ANGPT1: variants seen among roughly 807,000 people sequenced by gnomAD.
The protein encoded by ANGPT1 is angiopoietin 1.
ANGPT1 carries 17 observed loss-of-function variants against 62.2 expected under a neutral mutation model. The observed-to-expected ratio is 0.27, with a 90% CI of 0.19 to 0.41. ANGPT1 has a LOEUF of 0.41. ANGPT1 is among the 10% of genes least tolerant of loss of function. The pLI is 1.00. For synonymous variants in ANGPT1, 199 were observed against 198.9 expected, an observed-to-expected ratio of 1.00 and a Z score of 0.00; for missense variants, 478 against 594.9, an observed-to-expected ratio of 0.80 and a Z score of 2.04.
chr8:107,434,886 T>C (rs1811293369), intron 1 of ANGPT1, among the ~76,000 whole-genome samples: 1 of 152,220 alleles, frequency 6.6e-6, no homozygotes. Flanking sequence ...TTAGAAATAG[T>C]TAATGACTAT....
At chr8:107,302,180 T>C (rs1259778011) in intron 5 of ANGPT1, among the ~76,000 whole-genome samples, 1 of 151,840 alleles carries the variant, frequency 6.6e-6, no homozygotes, top group Non-Finnish European at 1.5e-5. Context: ...AGAACTCTGG[T>C]AGTGAGAAAG....
At chr8:107,377,480 C>A (rs1816552381) in intron 1 of ANGPT1, among the ~76,000 whole-genome samples, 2 of 152,188 alleles carry the variant, frequency 1.3e-5, no homozygotes, top group Non-Finnish European at 1.5e-5. Context: ...CATCACCAAA[C>A]CTTACCTAGG....
chr8:107,472,895 T>C (rs1375880570), intron 1 of ANGPT1, among the ~76,000 whole-genome samples: 1 of 152,054 alleles, frequency 6.6e-6, no homozygotes, highest in Non-Finnish European at 1.5e-5. Context: ...AAGAAAAGTG[T>C]TGGCTAATTG....
intron 4 of ANGPT1, among the ~76,000 whole-genome samples, chr8:107,308,672 C>T (rs758309638): frequency 6.6e-6 from 1 of 152,174 alleles, no homozygotes; most frequent in Non-Finnish European, 1.5e-5. Flanking sequence ...AGTTCAAAGA[C>T]TTTGCCCACA....
Position 107,497,768 on chromosome 8 carries a change from T to C in ANGPT1, c.-210A>G. 1.7e-6 allele frequency: 1 copy of C among 596,104 alleles called. No individual in the cohort carries two copies. Among genetic ancestry groups the C allele is most frequent in the Non-Finnish European group, 2.9e-6 (1 of 342,968 alleles). 36.9% of individuals were successfully genotyped at this position (596,104 alleles called of 1,614,324 possible). On this transcript the variant is annotated 5_prime_UTR_variant, in exon 1 of 9. Coordinates refer to ENST00000517746, the MANE Select transcript of ANGPT1 (RefSeq NM_001146.5). ...ATTTTTTATTTCACTGCAATGATGTTTTTCTTCGTTAAAACTTGAGATATT... is the reference window on the plus strand; with the variant it reads ...ATTTTTTATTTCACTGCAATGATGTCTTTCTTCGTTAAAACTTGAGATATT...
chr8:107,459,454 A>C (rs1448705422), intron 1 of ANGPT1, among the ~76,000 whole-genome samples: 1 of 150,506 alleles, frequency 6.6e-6, no homozygotes. Flanking sequence ...GTGCCACTGC[A>C]CTCCAGCCTG....
chr8:107,268,780 A>T (rs1563542403), intron 7 of ANGPT1, among the ~76,000 whole-genome samples: 1 of 152,074 alleles, frequency 6.6e-6, no homozygotes, highest in African/African-American at 2.4e-5. Context: ...ATTAAAACAT[A>T]AAGCAGAAGT....
Position 107,271,666 on chromosome 8 carries a change from T to A in ANGPT1, c.1206-7315A>T, listed in dbSNP as rs148314957. Reference sequence around the variant, plus strand: ...TATAGAGGAAGCAGAGTACTAAACATGAAGGACAAGAAACCAAAGAGTTGC... The same window carrying A: ...TATAGAGGAAGCAGAGTACTAAACAAGAAGGACAAGAAACCAAAGAGTTGC... On this transcript the variant is annotated intron_variant, in intron 7 of 8. Transcript: ENST00000517746. Among the ~76,000 whole-genome samples, 1,187 of 152,070 alleles carry A rather than the reference T, an allele frequency of 7.8e-3. 28 individuals are homozygous for A. Among genetic ancestry groups the A allele is most frequent in the African/African-American group, 0.027 (1,122 of 41,548 alleles).
At chr8:107,462,447 G>A (rs1361662721) in intron 1 of ANGPT1, among the ~76,000 whole-genome samples, 3 of 151,670 alleles carry the variant, frequency 2.0e-5, no homozygotes, top group Non-Finnish European at 4.4e-5. Flanking sequence ...ATTCAAAAAG[G>A]GAGTTTTTAG....
intron 1 of ANGPT1, among the ~76,000 whole-genome samples, chr8:107,412,242 T>C (rs921652041): frequency 1.3e-5 from 2 of 152,254 alleles, no homozygotes; most frequent in African/African-American, 4.8e-5. Flanking sequence ...CTAAATTGCA[T>C]GTCCATACTG....
At chr8:107,379,548 G>A (rs1467430580) in intron 1 of ANGPT1, among the ~76,000 whole-genome samples, 3 of 74,296 alleles carry the variant, frequency 4.0e-5, no homozygotes, top group African/African-American at 8.7e-5. Context: ...CTCAGAGGAG[G>A]TTAAAAAAAA....
At chr8:107,381,775 G>A (rs879368028) in intron 1 of ANGPT1, among the ~76,000 whole-genome samples, 4 of 152,178 alleles carry the variant, frequency 2.6e-5, no homozygotes, top group African/African-American at 7.2e-5. Flanking sequence ...GGCATGACAG[G>A]AATTGGAGAT....
At chr8:107,356,894 C>T (rs1056562382) in intron 1 of ANGPT1, among the ~76,000 whole-genome samples, 4 of 152,146 alleles carry the variant, frequency 2.6e-5, no homozygotes, top group African/African-American at 9.7e-5. Flanking sequence ...GTGCACTTTA[C>T]CATATTTTCA....
intron 1 of ANGPT1, among the ~76,000 whole-genome samples, chr8:107,362,016 C>G (rs1382431114): frequency 1.3e-5 from 2 of 152,152 alleles, no homozygotes; most frequent in Admixed American, 6.6e-5. Context: ...GATCGCGCCA[C>G]TGCACTCTGG....
intron 6 of ANGPT1, among the ~76,000 whole-genome samples, chr8:107,286,037 T>C (rs1203311647): frequency 6.6e-6 from 1 of 152,108 alleles, no homozygotes; most frequent in African/African-American, 2.4e-5. Flanking sequence ...AACAAAATAT[T>C]ACAGCATTTT....
chr8:107,434,794 T>C (rs949016059), intron 1 of ANGPT1, among the ~76,000 whole-genome samples: 1 of 152,178 alleles, frequency 6.6e-6, no homozygotes, highest in Non-Finnish European at 1.5e-5. Context: ...TAGAAAATAA[T>C]TATTTGAAAT....
chr8:107,491,499 C>T (rs1454420358), intron 1 of ANGPT1, among the ~76,000 whole-genome samples: 2 of 152,122 alleles, frequency 1.3e-5, no homozygotes, highest in Non-Finnish European at 2.9e-5. Flanking sequence ...GGTAATGGTG[C>T]TCAGAGACTT....
intron 1 of ANGPT1, among the ~76,000 whole-genome samples, chr8:107,435,145 A>G (rs1811298765): frequency 1.3e-5 from 2 of 152,224 alleles, no homozygotes; most frequent in Non-Finnish European, 2.9e-5. Flanking sequence ...GATCCTTTAG[A>G]GTGACAGAAA....
At chr8:107,370,962 T>C (rs1382443949) in intron 1 of ANGPT1, among the ~76,000 whole-genome samples, 3 of 87,328 alleles carry the variant, frequency 3.4e-5, no homozygotes, top group South Asian at 8.7e-4. Flanking sequence ...CACAAACCTT[T>C]GATTTGTTTA....
Sources: gnomAD v4.1 joint callset for allele counts (sites outside exome capture counted in the v4.1 genomes callset) on GRCh38, gnomAD v4.1.1 for gene constraint, MANE v1.5 for transcripts, NCBI Gene and HGNC (gene_info 2026-07-23, HGNC 2026-07-21) for gene names.